The following MTERF2 variants were observed in gnomAD, a reference collection of about 807,000 sequenced individuals.
MTERF2 encodes transcription termination factor 2, mitochondrial.
MTERF2 carries 23 observed loss-of-function variants against 29.2 expected under a neutral mutation model. The observed-to-expected ratio is 0.79, with a 90% CI of 0.57 to 1.12. The LOEUF (loss-of-function observed/expected upper bound fraction) is 1.12. MTERF2 is among the 50% of genes most tolerant of loss of function. The pLI is 0.00. For missense variants in MTERF2, 440 were observed against 429.4 expected, an observed-to-expected ratio of 1.02 and a Z score of -0.22; for synonymous variants, 157 against 159.5, an observed-to-expected ratio of 0.98 and a Z score of 0.12.
Position 106,984,077 on chromosome 12 carries a change from TTCACAGCTTTCATTATCCAG to T in MTERF2, c.-58+1018_-58+1037del, listed in dbSNP as rs576024681. On this transcript the variant is annotated intron_variant, in intron 2 of 2. Coordinates refer to ENST00000240050, the MANE Select transcript of MTERF2 (RefSeq NM_001033050.3). ...GACATAAACCTATCACTAGCTCCCCTTCACAGCTTTCATTATCCAGTCACAGCTTTCATTATCCAGGGTCA... is the reference window on the plus strand; with the variant it reads ...GACATAAACCTATCACTAGCTCCCCTTCACAGCTTTCATTATCCAGGGTCA... Among the ~76,000 whole-genome samples the T allele has an allele frequency of 8.0e-3, 1,218 of 152,304 alleles. 12 individuals carry two copies. The highest frequency in any genetic ancestry group is 9.2e-3 in the Non-Finnish European group (624 of 68,020).
chr12:106,983,340 C>G (rs950075998), intron 2 of MTERF2, among the ~76,000 whole-genome samples: 1 of 152,160 alleles, frequency 6.6e-6, no homozygotes, highest in Non-Finnish European at 1.5e-5. Flanking sequence ...CACCAGTTAC[C>G]TCTATTTTAC....
At chr12:106,982,796 C>G (rs1346810237) in intron 2 of MTERF2, among the ~76,000 whole-genome samples, 1 of 152,160 alleles carries the variant, frequency 6.6e-6, no homozygotes, top group Non-Finnish European at 1.5e-5. Context: ...ACTGGGAAAG[C>G]AAAGCTGCTA....
Position 106,977,602 on chromosome 12 carries a change from T to G in MTERF2, c.1113A>C (p.Val371=), listed in dbSNP as rs772392294. The change falls in exon 3 of 3, where the codon GTA becomes GTC. Residue 371 remains valine, a synonymous_variant. Coordinates refer to ENST00000240050, the MANE Select transcript of MTERF2 (RefSeq NM_001033050.3). ...GTGCCACAGGGTTAAATAATGGCCT[T>G]ACTTTTTTGGCCTGAATTTTGCCAA... The part of the protein sequence containing the change: ...ANFGKIQAKK[V]RPLFNPVAPL... The G allele has an allele frequency of 1.9e-6, 3 of 1,613,458 alleles. No individual in the cohort carries two copies. The highest frequency in any genetic ancestry group is 1.3e-5 in the African/African-American group (1 of 74,882).
intron 2 of MTERF2, among the ~76,000 whole-genome samples, chr12:106,982,308 T>C (rs1952061703): frequency 6.6e-6 from 1 of 152,224 alleles, no homozygotes; most frequent in African/African-American, 2.4e-5. Flanking sequence ...ATTCAGCCTA[T>C]AAAGTGAAAA....
At position 106,978,600 on chromosome 12, in the gene MTERF2, TA is replaced by T. The variant is rs1952019241; in HGVS notation, c.114del (p.Asp38GlufsTer28). ...CTTGTATTTTCTTTGCTCGACTGTT[TA>T]TCAGTTGTATAGGTGAAGCATGCTA... Reference protein sequence around the residue: ...PFLACFTYTTDKQSSKENTRT... With the variant: ...PFLACFTYTTXKQSSKENTRT... On this transcript the variant is annotated frameshift_variant, in exon 3 of 3. Transcript: ENST00000240050. LOFTEE classifies it high-confidence loss of function. 2 of 1,614,226 alleles carry T rather than the reference TA, an allele frequency of 1.2e-6. No individual in the cohort carries two copies. Among genetic ancestry groups the T allele is most frequent in the Admixed American group, 3.3e-5 (2 of 60,022 alleles).
chr12:106,981,507 T>TTATG lies in MTERF2; in HGVS notation c.-57-2740_-57-2737dup, dbSNP rs144923861. The stretch of plus-strand genomic sequence containing the variant: ...CAAAGAGAACTGAAAACCAAAAAGT[T>TTATG]TATGTATGTATGTATGTATGTATTT... On this transcript the variant is annotated intron_variant, in intron 2 of 2. Coordinates refer to ENST00000240050, the MANE Select transcript of MTERF2 (RefSeq NM_001033050.3). 8.5e-4 allele frequency among the ~76,000 whole-genome samples: 129 copies of TTATG among 152,098 alleles called. No individual in the cohort carries two copies. The Middle Eastern group carries it at 0.01, about 12-fold the overall frequency.
At chr12:106,978,963 G>A (rs945951967) in intron 2 of MTERF2, among the ~76,000 whole-genome samples, 192 bp from the exon 3 acceptor site, 1 of 151,840 alleles carries the variant, frequency 6.6e-6, no homozygotes, top group East Asian at 1.9e-4. Flanking sequence ...AGGTTGCAGT[G>A]AGCTGAGATT....
At position 106,977,641 on chromosome 12, in the gene MTERF2, C is replaced by T; in HGVS notation, c.1074G>A (p.Glu358=). 6.2e-7 allele frequency: 1 copy of T among 1,613,822 alleles called. No individual in the cohort carries two copies. Among genetic ancestry groups the T allele is most frequent in the Non-Finnish European group, 8.5e-7 (1 of 1,179,892 alleles). ...HLANLNGSKK[E]FEANFGKIQA... is the part of the protein sequence containing the mutation. ...GAATTTTGCCAAAATTAGCTTCAAA[C>T]TCTTTTTTTGATCCATTTAGATTTG... Residue 358 remains glutamate (E), a synonymous_variant, in exon 3 of 3, where the codon GAG becomes GAA. Coordinates refer to ENST00000240050, the MANE Select transcript of MTERF2 (RefSeq NM_001033050.3).
intron 2 of MTERF2, among the ~76,000 whole-genome samples, chr12:106,979,081 T>C (rs944347224): frequency 2.6e-5 from 4 of 152,164 alleles, no homozygotes; most frequent in Non-Finnish European, 5.9e-5. Flanking sequence ...TTCGATATCT[T>C]ATACTTTGTA....
At position 106,978,207 on chromosome 12, in the gene MTERF2, A is replaced by G. The variant is rs1952011159; in HGVS notation, c.508T>C (p.Leu170=). 1 of 1,613,680 alleles carries G rather than the reference A, an allele frequency of 6.2e-7. No individual in the cohort carries two copies. Among genetic ancestry groups the G allele is most frequent in the Non-Finnish European group, 8.5e-7 (1 of 1,179,966 alleles). Residue 170 remains leucine (L), a synonymous_variant, in exon 3 of 3, where the codon TTG becomes CTG. Coordinates refer to ENST00000240050, the MANE Select transcript of MTERF2 (RefSeq NM_001033050.3). ...TGAAAAACATTAGGTGCAGCTGTCA[A>G]AAGTCTGCTAATGACCACATTTTTT... ...GLKNVVISRL[L]TAAPNVFHNP...
rs760259283 is a variant in MTERF2 at position 106,978,002 on chromosome 12, C to A, written c.713G>T (p.Gly238Val). The A allele has an allele frequency of 6.2e-7, 1 of 1,614,104 alleles. No individual in the cohort carries two copies. Among genetic ancestry groups the A allele is most frequent in the Non-Finnish European group, 8.5e-7 (1 of 1,180,002 alleles). The change falls in exon 3 of 3, where the codon GGT becomes GTT. Residue 238 changes from glycine (G) to valine (V), a missense_variant. Gly to Val is a moderately radical substitution (Grantham distance 109, BLOSUM62 -3). Coordinates refer to ENST00000240050, the MANE Select transcript of MTERF2 (RefSeq NM_001033050.3). ...KETLEFLQEQGFTSFEILQLL... is the reference protein window; with the variant it reads ...KETLEFLQEQVFTSFEILQLL... ...CTGGAGAATTTCAAAGCTGGTGAAACCTTGCTCCTGGAGAAATTCTAGTGT... is the reference window on the plus strand; with the variant it reads ...CTGGAGAATTTCAAAGCTGGTGAAAACTTGCTCCTGGAGAAATTCTAGTGT...
intron 2 of MTERF2, among the ~76,000 whole-genome samples, chr12:106,981,797 A>G (rs1566233229): frequency 6.6e-6 from 1 of 152,232 alleles, no homozygotes; most frequent in Non-Finnish European, 1.5e-5. Context: ...TTGGGATTAC[A>G]GGTGTGAGCC....
rs1951995026 is a variant in MTERF2, at chr12:106,977,420, T to C, written c.*137A>G. 1.6e-6 allele frequency: 1 copy of C among 641,110 alleles called. No homozygotes were observed. Among genetic ancestry groups the C allele is most frequent in the South Asian group, 2.4e-5 (1 of 42,258 alleles). 39.7% of individuals were successfully genotyped at this position (641,110 alleles called of 1,614,324 possible). A position where few individuals can be genotyped will look rare whatever the true frequency, so the allele number is the denominator to read the frequency against. ...TGGCACATGAGTCAGAATTTATCTATTTAGAGATAACTTAAATACAACACA... is the reference window on the plus strand; with the variant it reads ...TGGCACATGAGTCAGAATTTATCTACTTAGAGATAACTTAAATACAACACA... On this transcript the variant is annotated 3_prime_UTR_variant, in exon 3 of 3. Transcript: ENST00000240050.
intron 1 of MTERF2, 161 bp from the exon 2 acceptor site, chr12:106,985,386 G>A (rs1593483091): frequency 6.6e-6 from 1 of 152,228 alleles, no homozygotes; most frequent in African/African-American, 2.4e-5. Flanking sequence ...GTGCTCTACT[G>A]GTTTCTACCA....
intron 2 of MTERF2, 102 bp downstream of exon 2, chr12:106,985,013 T>G (rs1189263629): frequency 1.3e-5 from 2 of 152,310 alleles, no homozygotes; most frequent in African/African-American, 4.8e-5. Flanking sequence ...GACACTCGAC[T>G]TTTTTTGATT....
At chr12:106,980,280 T>C (rs1329086514) in intron 2 of MTERF2, among the ~76,000 whole-genome samples, 1 of 152,198 alleles carries the variant, frequency 6.6e-6, no homozygotes, top group Non-Finnish European at 1.5e-5. Flanking sequence ...GAGTCAGTTA[T>C]TTATGTACTG....
Position 106,977,353 on chromosome 12 carries a change from TACCA to T in MTERF2, c.*200_*203del. On this transcript the variant is annotated 3_prime_UTR_variant, in exon 3 of 3. Transcript: ENST00000240050. Reference sequence around the variant, plus strand: ...TGAAATAATGGTTCAAGGTAAAAGTTACCAACCTTATTAAAATAAATATGATTTA... The same window carrying T: ...TGAAATAATGGTTCAAGGTAAAAGTTACCTTATTAAAATAAATATGATTTA... 2.2e-6 allele frequency: 1 copy of T among 459,182 alleles called. No homozygotes were observed. Among genetic ancestry groups the T allele is most frequent in the Non-Finnish European group, 3.8e-6 (1 of 266,502 alleles). The allele number at this position is 459,182 out of a possible 1,614,324, so 28.4% of individuals were successfully genotyped here. A position where few individuals can be genotyped will look rare whatever the true frequency, so the allele number is the denominator to read the frequency against.
chr12:106,983,221 T>G lies in MTERF2; in HGVS notation c.-58+1894A>C, dbSNP rs146017542. On this transcript the variant is annotated intron_variant, in intron 2 of 2. Transcript: ENST00000240050. ...AACCATTTTCAAGTGTACCATTCAG[T>G]GGCTTAAAGTATAGTCACAATGTTG... 7.1e-3 allele frequency among the ~76,000 whole-genome samples: 1,074 copies of G among 152,300 alleles called. 14 individuals are homozygous for G. Among genetic ancestry groups the G allele is most frequent in the African/African-American group, 0.025 (1,032 of 41,550 alleles).
chr12:106,978,513 A>G lies in MTERF2; in HGVS notation c.202T>C (p.Trp68Arg). 6.2e-7 allele frequency: 1 copy of G among 1,614,158 alleles called. No homozygotes were observed. Among genetic ancestry groups the G allele is most frequent in the African/African-American group, 1.3e-5 (1 of 75,060 alleles). Residue 68 changes from tryptophan to arginine, a missense_variant, in exon 3 of 3, where the codon TGG (tryptophan) becomes CGG (arginine). Transcript: ENST00000240050. ...DIRKIRRLKGWVLLEDETYVE... is the reference protein window; with the variant it reads ...DIRKIRRLKGRVLLEDETYVE... ...TAGGTTTCATCCTCTAAAAGTACCC[A>G]TCCTTTTAATCTACGAATTTTCCTA...
Sources: gnomAD v4.1 joint callset for allele counts (sites outside exome capture counted in the v4.1 genomes callset) on GRCh38, gnomAD v4.1.1 for gene constraint, MANE v1.5 for transcripts, NCBI Gene and HGNC (gene_info 2026-07-23, HGNC 2026-07-21) for gene names.